ZNF320: variants seen among roughly 807,000 people sequenced by gnomAD.
ZNF320 encodes zinc finger gene 320.
In ZNF320, 2 loss-of-function variants were observed where a neutral mutation model predicts 6.8. That is an observed-to-expected ratio of 0.29 (90% CI 0.12 to 0.93). The LOEUF (loss-of-function observed/expected upper bound fraction) is 0.93. ZNF320 is among the 40% of genes least tolerant of loss of function. The pLI, the probability that ZNF320 is intolerant of heterozygous loss-of-function variation, is 0.55. For missense variants in ZNF320, 472 were observed against 611.0 expected (o/e 0.77, Z 2.40); for synonymous variants, 208 against 203.2 (o/e 1.02, Z -0.20).
rs375461706 is a variant in ZNF320, at chr19:52,881,297, C to T, written c.829G>A (p.Glu277Lys). 1.1e-4 allele frequency: 179 copies of T among 1,614,072 alleles called. No individual in the cohort carries two copies. The highest frequency in any genetic ancestry group is 1.4e-4 in the Non-Finnish European group (166 of 1,180,042). Reference protein sequence around the residue: ...HTGEKPYKCNECGKTFARNSV... With the variant: ...HTGEKPYKCNKCGKTFARNSV... The stretch of plus-strand genomic sequence containing the variant: ...TTTCGAGCGAAGGTCTTGCCACACT[C>T]ATTACATTTGTAAGGTTTCTCTCCA... The change falls in exon 6 of 6, where the codon GAG becomes AAG. Residue 277 changes from glutamate to lysine, a missense_variant. Physicochemically the swap from Glu to Lys is moderately conservative, Grantham distance 56. This residue lies in a region of ZNF320 where 462 missense variants were observed against 559.7 expected (regional missense o/e 0.83). Transcript: ENST00000682928.
upstream of ZNF320, among the ~76,000 whole-genome samples, chr19:52,899,349 A>G (rs570929757): frequency 2.6e-5 from 4 of 152,330 alleles, no homozygotes; most frequent in East Asian, 7.7e-4. Flanking sequence ...GTCTTCAACT[A>G]CTTTCCTCTG....
chr19:52,887,002 G>GAA (rs1555821384), intron 5 of ZNF320, among the ~76,000 whole-genome samples: 1 of 78,602 alleles, frequency 1.3e-5, no homozygotes, highest in African/African-American at 5.0e-5. Flanking sequence ...AGGAAGGAAG[G>GAA]AAGGAAAAGA....
chr19:52,902,549 C>A (rs970514653), upstream of ZNF320, among the ~76,000 whole-genome samples: 9 of 152,214 alleles, frequency 5.9e-5, no homozygotes, highest in Non-Finnish European at 1.2e-4. Context: ...AAGTCTTTAA[C>A]TTCTATCATC....
exon 6 of ZNF320, among the ~76,000 whole-genome samples, chr19:52,863,552 G>A (rs2063498513): frequency 6.6e-6 from 1 of 150,786 alleles, no homozygotes; most frequent in African/African-American, 2.4e-5. Flanking sequence ...GCAGTGAGCC[G>A]AGATGGTGCC....
intron 5 of ZNF320, among the ~76,000 whole-genome samples, chr19:52,887,013 A>AAAGAAAAG (rs57262460): frequency 0.17 from 23,794 of 142,030 alleles, 2,259 homozygotes; most frequent in East Asian, 0.22. Flanking sequence ...AAGGAAAAGA[A>AAAGAAAAG]AAAACAAAAC....
In ZNF320 at chr19:52,881,143, G is replaced by A. The variant is rs1226443987; in HGVS notation, c.983C>T (p.Pro328Leu). 1.2e-6 allele frequency: 2 copies of A among 1,613,874 alleles called. No homozygotes were observed. The highest frequency in any genetic ancestry group is 2.7e-5 in the African/African-American group (2 of 74,842). ...GHRRVHTGEK[P>L]YRCEECDKVF... Reference sequence around the variant, plus strand: ...TTTGTCGCATTCTTCACATCTGTAAGGTTTCTCTCCAGTGTGAACTCTACG... The same window carrying A: ...TTTGTCGCATTCTTCACATCTGTAAAGTTTCTCTCCAGTGTGAACTCTACG... The change falls in exon 6 of 6, where the codon CCT becomes CTT. Residue 328 changes from proline to leucine, a missense_variant. This residue lies in a region of ZNF320 where 462 missense variants were observed against 559.7 expected (regional missense o/e 0.83). Transcript: ENST00000682928.
At chr19:52,862,779 C>G in exon 6 of ZNF320, 1 of 365,164 alleles carries the variant, frequency 2.7e-6, no homozygotes, top group Non-Finnish European at 5.6e-6. Flanking sequence ...GTGAATTCTC[C>G]TATGCATTGC....
chr19:52,869,447 G>A (rs1402185843), intron 5 of ZNF320, among the ~76,000 whole-genome samples: 2 of 152,172 alleles, frequency 1.3e-5, no homozygotes, highest in East Asian at 3.8e-4. Context: ...AGAATTCCCT[G>A]GCTGAGTAGG....
chr19:52,886,727 G>T (rs1600633436), intron 5 of ZNF320, among the ~76,000 whole-genome samples: 1 of 152,090 alleles, frequency 6.6e-6, no homozygotes, highest in Non-Finnish European at 1.5e-5. Flanking sequence ...CTTGAGATAA[G>T]GAGTTTGAGA....
chr19:52,875,508 T>A (rs941506788), downstream of ZNF320, among the ~76,000 whole-genome samples: 3 of 152,200 alleles, frequency 2.0e-5, no homozygotes, highest in African/African-American at 4.8e-5. Flanking sequence ...TTTGGAGGAC[T>A]GGAATCCATT....
exon 6 of ZNF320, chr19:52,862,798 A>G: frequency 2.8e-6 from 1 of 353,404 alleles, no homozygotes; most frequent in Non-Finnish European, 5.8e-6. Flanking sequence ...GCAAGGTGTG[A>G]TCTGCAACTG....
chr19:52,860,085 G>T (rs1176032356), downstream of ZNF320, among the ~76,000 whole-genome samples: 3 of 151,750 alleles, frequency 2.0e-5, no homozygotes, highest in African/African-American at 4.8e-5. Context: ...GCTAATTTTT[G>T]GAATTTTTAG....
chr19:52,862,339 C>G, exon 6 of ZNF320: 1 of 525,072 alleles, frequency 1.9e-6, no homozygotes, highest in Non-Finnish European at 3.9e-6. Flanking sequence ...TTATCACAAA[C>G]CTTACATTTG....
At chr19:52,872,656 C>G (rs540427296), downstream of ZNF320, among the ~76,000 whole-genome samples, 1 of 152,142 alleles carries the variant, frequency 6.6e-6, no homozygotes, top group African/African-American at 2.4e-5. Flanking sequence ...TGCCCACCAC[C>G]GGGCCCGGCT....
At chr19:52,887,649 T>A (rs2064137487) in intron 5 of ZNF320, among the ~76,000 whole-genome samples, 1 of 152,164 alleles carries the variant, frequency 6.6e-6, no homozygotes, top group Admixed American at 6.6e-5. Context: ...TGCAGCGGTG[T>A]GTTCTCGGCT....
chr19:52,896,686 G>C (rs181315604), intron 1 of ZNF320, among the ~76,000 whole-genome samples: 1 of 152,222 alleles, frequency 6.6e-6, no homozygotes, highest in Non-Finnish European at 1.5e-5. Flanking sequence ...TCCCGCCTGG[G>C]CAACAGAGTG....
rs1334042456 is a variant in ZNF320 at position 52,879,944 on chromosome 19, A to G, written c.*652T>C. 6.6e-6 allele frequency: 1 copy of G among 152,244 alleles called. No individual in the cohort carries two copies. Among genetic ancestry groups the G allele is most frequent in the African/African-American group, 2.4e-5 (1 of 41,470 alleles). 9.4% of individuals were successfully genotyped at this position (152,244 alleles called of 1,614,324 possible). A position where few individuals can be genotyped will look rare whatever the true frequency, so the allele number is the denominator to read the frequency against. ...ATCAAAGTGATAAAAACATGTGCAA[A>G]TAAGAGATACAAGCCATATTGAATG... On this transcript the variant is annotated 3_prime_UTR_variant, in exon 6 of 6. Transcript: ENST00000682928.
At chr19:52,903,949 G>A in the ZNF320 span, among the ~76,000 whole-genome samples, 3 of 152,056 alleles carry the variant, frequency 2.0e-5, no homozygotes, top group East Asian at 1.9e-4. Context: ...ATCAGGCCAC[G>A]CTTCCACTCA....
chr19:52,899,285 T>C (rs532850222), upstream of ZNF320, among the ~76,000 whole-genome samples: 2 of 152,270 alleles, frequency 1.3e-5, no homozygotes, highest in East Asian at 3.9e-4. Flanking sequence ...CTGGATTGAG[T>C]CCGTGCCACA....
Sources: gnomAD v4.1 joint callset for allele counts (sites outside exome capture counted in the v4.1 genomes callset) on GRCh38, gnomAD v4.1.1 for gene constraint, gnomAD v4.1.1 regional missense constraint, MANE v1.5 for transcripts, NCBI Gene and HGNC (gene_info 2026-07-23, HGNC 2026-07-21) for gene names.